GMDS: variants seen among roughly 807,000 people sequenced by gnomAD.
The protein encoded by GMDS is GDP-mannose 4,6 dehydratase.
In GMDS, 20 loss-of-function variants were observed where a neutral mutation model predicts 49.9. The observed-to-expected ratio is 0.40, with a 90% CI of 0.28 to 0.58. The LOEUF is 0.58. Ranked by LOEUF, GMDS falls within the 20% of genes least tolerant of loss-of-function variation. GMDS has a pLI of 0.42. For synonymous variants in GMDS, 177 were observed against 178.6 expected (o/e 0.99, Z 0.07); for missense variants, 362 against 481.4 (o/e 0.75, Z 2.32).
chr6:1,669,785 C>T (rs992932654), intron 9 of GMDS, among the ~76,000 whole-genome samples: 57 of 151,846 alleles, frequency 3.8e-4, no homozygotes, highest in Middle Eastern at 3.4e-3. Flanking sequence ...TGGTGGCAGG[C>T]GCCTGTAATC....
chr6:2,049,689 A>T (rs1770260177), intron 4 of GMDS, among the ~76,000 whole-genome samples: 2 of 152,216 alleles, frequency 1.3e-5, no homozygotes, highest in South Asian at 4.1e-4. Flanking sequence ...GAGTCAGGGA[A>T]GATGCTGTGA....
chr6:1,757,861 GA>G (rs1768009870), intron 7 of GMDS, among the ~76,000 whole-genome samples: 1 of 152,188 alleles, frequency 6.6e-6, no homozygotes, highest in Admixed American at 6.5e-5. Flanking sequence ...AAAGTAAAAA[GA>G]AAAGGTGAAG....
chr6:1,801,236 G>A (rs1769938166), intron 7 of GMDS, among the ~76,000 whole-genome samples: 1 of 152,188 alleles, frequency 6.6e-6, no homozygotes, highest in South Asian at 2.1e-4. Context: ...CTTGAGGAAG[G>A]GGGCACAAGT....
chr6:2,172,249 G>A (rs1319575809), intron 1 of GMDS, among the ~76,000 whole-genome samples: 1 of 152,120 alleles, frequency 6.6e-6, no homozygotes, highest in Non-Finnish European at 1.5e-5. Flanking sequence ...CAGATATGTT[G>A]TATCTCAAGA....
At chr6:1,738,523 T>G (rs760171648) in intron 8 of GMDS, among the ~76,000 whole-genome samples, 2 of 152,130 alleles carry the variant, frequency 1.3e-5, no homozygotes, top group African/African-American at 2.4e-5. Context: ...GGATAAATTT[T>G]AAAAACGATA....
At chr6:2,034,347 T>A (rs1469929046) in intron 4 of GMDS, among the ~76,000 whole-genome samples, 3 of 152,158 alleles carry the variant, frequency 2.0e-5, no homozygotes, top group Non-Finnish European at 4.4e-5. Context: ...ACGTCTAGAA[T>A]GAGCAAATCT....
rs556225610 is a variant in GMDS at position 2,154,171 on chromosome 6, A to G, written c.103-29440T>C. On this transcript the variant is annotated intron_variant, in intron 1 of 10. Coordinates refer to ENST00000380815, the MANE Select transcript of GMDS (RefSeq NM_001500.4). ...GTTTATTGAAAATTTAAATTAAAAG[A>G]TTTTTATATTTCAGGGTAGATTTTA... 1.8e-3 allele frequency among the ~76,000 whole-genome samples: 270 copies of G among 152,266 alleles called. 2 individuals are homozygous for G. Among genetic ancestry groups the G allele is most frequent in the African/African-American group, 6.3e-3 (262 of 41,568 alleles).
chr6:1,793,744 GT>G (rs1198480922), intron 7 of GMDS, among the ~76,000 whole-genome samples: 5 of 152,102 alleles, frequency 3.3e-5, no homozygotes, highest in Admixed American at 2.6e-4. Flanking sequence ...GGAATTCTGG[GT>G]TTCTCATTTT....
intron 4 of GMDS, among the ~76,000 whole-genome samples, chr6:1,994,944 C>A (rs889154394): frequency 2.6e-5 from 4 of 152,084 alleles, no homozygotes; most frequent in African/African-American, 9.7e-5. Context: ...GAACACCCAA[C>A]AAAGGAAAAA....
In GMDS at chr6:1,832,251, T is replaced by G. The variant is rs546975147; in HGVS notation, c.772-89665A>C. Among the ~76,000 whole-genome samples, 6 of 151,554 alleles carry G rather than the reference T, an allele frequency of 4.0e-5. No homozygotes were observed. In the East Asian group the frequency reaches 9.9e-4, roughly 25 times the overall value. ...ACAAAAAATAAGAAAATTAGCCAGG[T>G]GTGGTGTCATGTGCCTGTAGTCCCA... is the stretch of plus-strand genomic sequence containing the variant. On this transcript the variant is annotated intron_variant, in intron 7 of 10. Coordinates refer to ENST00000380815, the MANE Select transcript of GMDS (RefSeq NM_001500.4).
intron 7 of GMDS, among the ~76,000 whole-genome samples, chr6:1,866,152 G>A (rs894035366): frequency 6.6e-6 from 1 of 152,232 alleles, no homozygotes; most frequent in Non-Finnish European, 1.5e-5. Flanking sequence ...AGGCAGCAAG[G>A]AGATAAACAC....
intron 7 of GMDS, among the ~76,000 whole-genome samples, chr6:1,745,797 G>C (rs1767469601): frequency 6.6e-6 from 1 of 152,178 alleles, no homozygotes; most frequent in Non-Finnish European, 1.5e-5. Flanking sequence ...ATAGGGCTTT[G>C]TTTAAATTTC....
Position 1,778,417 on chromosome 6 carries a change from A to G in GMDS, c.772-35831T>C, listed in dbSNP as rs985320845. On this transcript the variant is annotated intron_variant, in intron 7 of 10. Coordinates refer to ENST00000380815, the MANE Select transcript of GMDS (RefSeq NM_001500.4). This position sits in a 1 kb window ranked among gnomAD's most constrained non-coding sequence, Gnocchi z 4.6. ...ATGTTAAAGGTTCAGTGGAGACAGC[A>G]GACGAGTGGAACGGCGGGCACTGTG... 1.3e-5 allele frequency among the ~76,000 whole-genome samples: 2 copies of G among 152,244 alleles called. No individual in the cohort carries two copies. The highest frequency in any genetic ancestry group is 4.8e-5 in the African/African-American group (2 of 41,470).
intron 1 of GMDS, among the ~76,000 whole-genome samples, chr6:2,128,852 C>T (rs1481643516): frequency 6.6e-6 from 1 of 152,174 alleles, no homozygotes; most frequent in Non-Finnish European, 1.5e-5. Context: ...AGAAAGGATA[C>T]AGCACCTGAG....
chr6:1,685,124 C>T (rs538944938), intron 9 of GMDS, among the ~76,000 whole-genome samples: 3 of 152,018 alleles, frequency 2.0e-5, no homozygotes, highest in African/African-American at 4.8e-5. Flanking sequence ...AGGCTGAGTG[C>T]GGTGGCTCAT....
intron 1 of GMDS, among the ~76,000 whole-genome samples, chr6:2,226,757 T>C (rs924692305): frequency 1.3e-5 from 2 of 152,168 alleles, no homozygotes; most frequent in Admixed American, 1.3e-4. Context: ...TGAACTAAAA[T>C]ATACACACAA....
chr6:2,062,478 T>C (rs556158082), intron 4 of GMDS, among the ~76,000 whole-genome samples: 1 of 152,148 alleles, frequency 6.6e-6, no homozygotes, highest in South Asian at 2.1e-4. Flanking sequence ...TGGATATTTG[T>C]GAAGATGCCA....
chr6:2,237,200 T>C (rs1184293559), intron 1 of GMDS, among the ~76,000 whole-genome samples: 1 of 152,244 alleles, frequency 6.6e-6, no homozygotes, highest in East Asian at 1.9e-4. Context: ...GTCATTTCAA[T>C]GAGTAAATTT....
intron 9 of GMDS, among the ~76,000 whole-genome samples, chr6:1,651,082 G>A (rs920791026): frequency 1.3e-5 from 2 of 152,194 alleles, no homozygotes; most frequent in African/African-American, 2.4e-5. Flanking sequence ...AGGAAAATTA[G>A]GCTTGTCCTG....
Sources: allele counts gnomAD v4.1 joint callset (sites outside exome capture counted in the v4.1 genomes callset), GRCh38; gene constraint gnomAD v4.1.1; non-coding constraint Gnocchi (gnomAD v3.1); transcripts MANE v1.5; gene names NCBI Gene and HGNC (gene_info 2026-07-23, HGNC 2026-07-21).